Variants in KMT2C observed in about 807,000 individuals in gnomAD.
KMT2C encodes lysine methyltransferase 2C, also known as histone-lysine N-methyltransferase 2C.
In KMT2C, 88 loss-of-function variants were observed where a neutral mutation model predicts 507.9. The ratio of observed to expected loss-of-function variants is 0.17; its 90% CI spans 0.15 to 0.21. The LOEUF is 0.21. KMT2C is among the 10% of genes least tolerant of loss of function. KMT2C has a pLI of 1.00. For synonymous variants in KMT2C, 2,049 were observed against 2,080.8 expected, an observed-to-expected ratio of 0.98 and a Z score of 0.42; for missense variants, 4,954 against 5,957.8, an observed-to-expected ratio of 0.83 and a Z score of 5.55.
intron 52 of KMT2C, 151 bp from the exon 53 acceptor site, chr7:152,146,886 T>C: frequency 1.3e-6 from 1 of 765,854 alleles, no homozygotes. Context: ...GGTAATAATC[T>C]AATGAACCTG....
At chr7:152,290,629 G>A (rs113400128) in intron 6 of KMT2C, among the ~76,000 whole-genome samples, 1 of 151,684 alleles carries the variant, frequency 6.6e-6, no homozygotes, top group Non-Finnish European at 1.5e-5. Flanking sequence ...ATTTTAAAGG[G>A]TAAAGATATA....
intron 26 of KMT2C, among the ~76,000 whole-genome samples, chr7:152,200,604 C>T (rs764365465): frequency 6.6e-6 from 1 of 152,086 alleles, no homozygotes; most frequent in Non-Finnish European, 1.5e-5. Context: ...CGCCAACATG[C>T]CTGTAATCCC....
chr7:152,433,815 T>G (rs1388029781), intron 1 of KMT2C, among the ~76,000 whole-genome samples: 3 of 152,268 alleles, frequency 2.0e-5, no homozygotes, highest in Non-Finnish European at 4.4e-5. Flanking sequence ...ACAAATGAGC[T>G]CATTTCAAAA....
At chr7:152,418,381 G>GA (rs1391701698) in intron 1 of KMT2C, among the ~76,000 whole-genome samples, 1 of 152,154 alleles carries the variant, frequency 6.6e-6, no homozygotes, top group African/African-American at 2.4e-5. Flanking sequence ...GTGAGAAGAG[G>GA]AAAAGGGGAG....
intron 1 of KMT2C, among the ~76,000 whole-genome samples, chr7:152,410,553 G>C (rs1054578990): frequency 6.6e-6 from 1 of 151,974 alleles, no homozygotes; most frequent in Non-Finnish European, 1.5e-5. Flanking sequence ...ACTCCAGCCT[G>C]GGCGACAGAG....
chr7:152,211,158 G>A (rs1405190901), intron 23 of KMT2C, among the ~76,000 whole-genome samples: 2 of 152,146 alleles, frequency 1.3e-5, no homozygotes, highest in Non-Finnish European at 2.9e-5. Context: ...CCAAGAAAAC[G>A]CAGGTCACAT....
rs528940151 is a variant in KMT2C at position 152,235,673 on chromosome 7, G to A, written c.2769+144C>T. Reference sequence around the variant, plus strand: ...AATATACAAGAAAACATAACCAGAGGCTCAAAAAAAAAAGCAAAGTAGGAC... The same window carrying A: ...AATATACAAGAAAACATAACCAGAGACTCAAAAAAAAAAGCAAAGTAGGAC... On this transcript the variant is annotated intron_variant, in intron 16 of 58. Coordinates refer to ENST00000262189, the MANE Select transcript of KMT2C (RefSeq NM_170606.3). The A allele has an allele frequency of 5.9e-4, 368 of 624,014 alleles. No individual in the cohort carries two copies. In the African/African-American group the frequency reaches 6.5e-3, roughly 11 times the overall value. 38.7% of individuals were successfully genotyped at this position (624,014 alleles called of 1,614,324 possible).
At chr7:152,257,242 C>T (rs546855677) in intron 9 of KMT2C, among the ~76,000 whole-genome samples, 8 of 152,096 alleles carry the variant, frequency 5.3e-5, no homozygotes, top group Admixed American at 2.0e-4. Context: ...TTTTATTACA[C>T]GAAAAAAGCA....
chr7:152,212,592 A>C (rs2094479131), intron 23 of KMT2C, among the ~76,000 whole-genome samples: 1 of 152,256 alleles, frequency 6.6e-6, no homozygotes, highest in Non-Finnish European at 1.5e-5. Context: ...CAAAAATCAG[A>C]TGCATTTCTT....
At chr7:152,154,468 A>G in intron 46 of KMT2C, 23 bp from the exon 47 acceptor site, 4 of 1,605,728 alleles carry the variant, frequency 2.5e-6, no homozygotes, top group South Asian at 1.1e-5. Flanking sequence ...AAACACACAC[A>G]TCAAAGTCTG....
intron 1 of KMT2C, among the ~76,000 whole-genome samples, chr7:152,374,879 T>A (rs2097316545): frequency 7.4e-6 from 1 of 134,892 alleles, no homozygotes. Context: ...GGAGACTCTG[T>A]CTCTCAAAAA....
chr7:152,305,846 G>T (rs1053310899), intron 6 of KMT2C, among the ~76,000 whole-genome samples: 1 of 152,040 alleles, frequency 6.6e-6, no homozygotes, highest in Non-Finnish European at 1.5e-5. Flanking sequence ...CACCAGTCCC[G>T]TAAGGAACTA....
At chr7:152,152,196 C>T (rs1310834758) in intron 49 of KMT2C, among the ~76,000 whole-genome samples, 1 of 152,228 alleles carries the variant, frequency 6.6e-6, no homozygotes, top group Admixed American at 6.5e-5. Flanking sequence ...AAAGCGACAT[C>T]ATGGTCGGTC....
intron 6 of KMT2C, among the ~76,000 whole-genome samples, chr7:152,275,569 T>A (rs1305619919): frequency 6.6e-6 from 1 of 152,206 alleles, no homozygotes; most frequent in Non-Finnish European, 1.5e-5. Flanking sequence ...AGGGTATTAA[T>A]GCATTAGAAA....
At chr7:152,255,201 C>G (rs116703451) in intron 9 of KMT2C, among the ~76,000 whole-genome samples, 1,736 of 144,844 alleles carry the variant, frequency 0.012, 42 homozygotes, top group African/African-American at 0.043. Flanking sequence ...GGGTCTTGCT[C>G]TGTAGCCCAG....
chr7:152,273,625 C>T (rs752712374), intron 7 of KMT2C, 80 bp downstream of exon 7: 5 of 1,532,020 alleles, frequency 3.3e-6, no homozygotes, highest in African/African-American at 2.7e-5. Context: ...AGTAGAATAA[C>T]ACTCAGGGAA....
intron 9 of KMT2C, among the ~76,000 whole-genome samples, chr7:152,255,119 A>ATG (rs967438496): frequency 3.9e-5 from 4 of 101,578 alleles, no homozygotes; most frequent in African/African-American, 2.5e-4. Context: ...TTATATATAT[A>ATG]TATATATATA....
At chr7:152,307,623 C>T (rs1313312834) in intron 6 of KMT2C, among the ~76,000 whole-genome samples, 1 of 152,140 alleles carries the variant, frequency 6.6e-6, no homozygotes, top group Middle Eastern at 3.2e-3. Flanking sequence ...GGAAGGGATG[C>T]AATGTCTCCT....
intron 6 of KMT2C, among the ~76,000 whole-genome samples, chr7:152,295,218 T>C (rs2096479505): frequency 6.6e-6 from 1 of 152,254 alleles, no homozygotes; most frequent in African/African-American, 2.4e-5. Flanking sequence ...ATCCTAAATA[T>C]GTTTGTCTTC....
Sources: gnomAD v4.1 joint callset for allele counts (sites outside exome capture counted in the v4.1 genomes callset) on GRCh38, gnomAD v4.1.1 for gene constraint, MANE v1.5 for transcripts, NCBI Gene and HGNC (gene_info 2026-07-23, HGNC 2026-07-21) for gene names.